Variants in GGA2 observed in about 807,000 individuals in gnomAD.
GGA2 encodes golgi associated, gamma adaptin ear containing, ARF binding protein 2.
Under a neutral mutation model 79.5 loss-of-function variants are expected in GGA2, and 48 were observed. The observed-to-expected ratio is 0.60, with a 90% confidence interval of 0.48 to 0.77. The LOEUF is 0.77. GGA2 is among the 30% of genes least tolerant of loss of function. The probability of loss-of-function intolerance (pLI) is 0.00; values close to 1 mark genes in which losing one functional copy is unlikely to be tolerated. For missense variants in GGA2, 770 were observed against 774.0 expected, an observed-to-expected ratio of 0.99 and a Z score of 0.06; for synonymous variants, 317 against 302.0, an observed-to-expected ratio of 1.05 and a Z score of -0.51.
rs1175312510 is a variant in GGA2, at chr16:23,491,740, A to G, written c.412T>C (p.Trp138Arg). 3.1e-6 allele frequency: 5 copies of G among 1,611,724 alleles called. No individual in the cohort carries two copies. Among genetic ancestry groups the G allele is most frequent in the Non-Finnish European group, 4.2e-6 (5 of 1,177,832 alleles). The change falls in exon 5 of 17, where the codon TGG (tryptophan) becomes CGG (arginine). Residue 138 changes from tryptophan to arginine, a missense_variant. Transcript: ENST00000309859. ...ATGTCTTCCGGAAACCAGACTGTCC[A>G]ACTGAAGAGTATTTCAATGACTCTT... is the stretch of plus-strand genomic sequence containing the variant. ...KGRVIEILFS[W>R]TVWFPEDIKI...
At chr16:23,468,256 C>T (rs1964466853) in intron 16 of GGA2, among the ~76,000 whole-genome samples, 2 of 152,156 alleles carry the variant, frequency 1.3e-5, no homozygotes, top group South Asian at 4.1e-4. Context: ...TGGCTCACTG[C>T]AACCTCCGCC....
In GGA2 at chr16:23,486,100, A is replaced by G. The variant is rs777759899; in HGVS notation, c.713T>C (p.Val238Ala). Reference protein sequence around the residue: ...VSKRVSAVEEVRSHVKVLQEM... With the variant: ...VSKRVSAVEEARSHVKVLQEM... Reference sequence around the variant, plus strand: ...CTGCAGCACCTTCACATGGCTTCGCACTTCCTCCACCGCACTGACCCTCTT... The same window carrying G: ...CTGCAGCACCTTCACATGGCTTCGCGCTTCCTCCACCGCACTGACCCTCTT... Residue 238 changes from valine (V) to alanine (A), a missense_variant, in exon 8 of 17, where the codon GTG becomes GCG. Transcript: ENST00000309859. 8.7e-6 allele frequency: 14 copies of G among 1,613,740 alleles called. No individual in the cohort carries two copies. In the South Asian group the frequency reaches 9.9e-5, roughly 11 times the overall value.
In GGA2 at chr16:23,497,557, G is replaced by A. The variant is rs549209786; in HGVS notation, c.92-1779C>T. ...CTAAGTGAAGAGAGAACACAAGGGC[G>A]AGGGAAGGATCAGTGATTGATTCCT... On this transcript the variant is annotated intron_variant, in intron 1 of 16. Transcript: ENST00000309859. Among the ~76,000 whole-genome samples, 5 of 152,246 alleles carry A rather than the reference G, an allele frequency of 3.3e-5. No individual in the cohort carries two copies. The South Asian group carries it at 8.3e-4, about 25-fold the overall frequency.
At chr16:23,509,053 G>A (rs1965006716) in intron 1 of GGA2, among the ~76,000 whole-genome samples, 1 of 151,958 alleles carries the variant, frequency 6.6e-6, no homozygotes, top group Admixed American at 6.6e-5. Flanking sequence ...CTTTTTAGCC[G>A]CTCTCCCTGC....
At chr16:23,507,677 G>A (rs547784244) in intron 1 of GGA2, among the ~76,000 whole-genome samples, 2 of 152,118 alleles carry the variant, frequency 1.3e-5, no homozygotes, top group African/African-American at 2.4e-5. Flanking sequence ...GCGTGTGCCC[G>A]TAATCCCAGC....
chr16:23,510,378 C>T lies in GGA2; in HGVS notation c.34G>A (p.Gly12Arg). Residue 12 changes from glycine to arginine, a missense_variant, in exon 1 of 17, where the codon GGA becomes AGA. Gly to Arg is a moderately radical substitution (Grantham distance 125). Transcript: ENST00000309859. Reference sequence around the variant, plus strand: ...GGGGGACCCTGGGCCGACTCGGTTCCCGCCACAGCCGCCGCCACCGCGGTC... The same window carrying T: ...GGGGGACCCTGGGCCGACTCGGTTCTCGCCACAGCCGCCGCCACCGCGGTC... ...AATAVAAAVA[G>R]TESAQGPPGP... 3 of 1,412,824 alleles carry T rather than the reference C, an allele frequency of 2.1e-6. No individual in the cohort carries two copies. The highest frequency in any genetic ancestry group is 2.8e-6 in the Non-Finnish European group (3 of 1,082,078). 87.5% of individuals were successfully genotyped at this position (1,412,824 alleles called of 1,614,324 possible). A position where few individuals can be genotyped will look rare whatever the true frequency, so the allele number is the denominator to read the frequency against.
At chr16:23,469,087 AC>A (rs1964477301) in intron 15 of GGA2, 91 bp from the exon 16 acceptor site, 3 of 786,608 alleles carry the variant, frequency 3.8e-6, no homozygotes, top group East Asian at 2.5e-5. Context: ...CCTCCCCAAC[AC>A]CCCTCCAAGA....
rs548947742 is a variant in GGA2, at chr16:23,481,428, C to T, written c.881-658G>A. ...ATGAGCAGCATCATGGGGGATGCCA[C>T]GAGCAAAACTGAGACCGAGAGAACT... On this transcript the variant is annotated intron_variant, in intron 9 of 16. Transcript: ENST00000309859. 2.6e-5 allele frequency among the ~76,000 whole-genome samples: 4 copies of T among 152,136 alleles called. No individual in the cohort carries two copies. In the South Asian group the frequency reaches 8.3e-4, roughly 32 times the overall value.
At chr16:23,469,949 C>T (rs772718680) in intron 15 of GGA2, 47 bp downstream of exon 15, 1 of 1,387,310 alleles carries the variant, frequency 7.2e-7, no homozygotes, top group Non-Finnish European at 9.6e-7. Flanking sequence ...GAACCTGGCA[C>T]TCAAAAACGA....
chr16:23,488,741 G>A (rs369780983), intron 5 of GGA2, 32 bp from the exon 6 acceptor site: 10 of 1,176,830 alleles, frequency 8.5e-6, no homozygotes, highest in Middle Eastern at 2.2e-4. Flanking sequence ...TTAAGACACC[G>A]ATATGGTACC....
At chr16:23,510,081 T>TG (rs1567371809) in intron 1 of GGA2, among the ~76,000 whole-genome samples, 26 of 7,970 alleles carry the variant, frequency 3.3e-3, no homozygotes, top group East Asian at 7.6e-3. Context: ...TGCTGCTAAG[T>TG]TGGGGGGTGG....
At chr16:23,485,850 A>G (rs146580663) in intron 8 of GGA2, among the ~76,000 whole-genome samples, 165 bp downstream of exon 8, 388 of 152,356 alleles carry the variant, frequency 2.5e-3, no homozygotes, top group Non-Finnish European at 4.4e-3. Flanking sequence ...ACTGGGGAGC[A>G]AGGGACAGAC....
chr16:23,510,397 C>T lies in GGA2; in HGVS notation c.15G>A (p.Ala5=), dbSNP rs898816026. ...CGGTTCCCGCCACAGCCGCCGCCAC[C>T]GCGGTCGCCGCCATCGCTCCAGCCC... MAAT[A]VAAAVAGTES... is the part of the protein sequence containing the mutation. Residue 5 remains alanine, a synonymous_variant, in exon 1 of 17, where the codon GCG becomes GCA. Coordinates refer to ENST00000309859, the MANE Select transcript of GGA2 (RefSeq NM_015044.4). 1.8e-5 allele frequency: 25 copies of T among 1,384,120 alleles called. No individual in the cohort carries two copies. Among genetic ancestry groups the T allele is most frequent in the Non-Finnish European group, 2.4e-5 (25 of 1,063,426 alleles). 85.7% of individuals were successfully genotyped at this position (1,384,120 alleles called of 1,614,324 possible).
At position 23,475,020 on chromosome 16, in the gene GGA2, G is replaced by A; in HGVS notation, c.1334C>T (p.Pro445Leu). 1 of 1,603,798 alleles carries A rather than the reference G, an allele frequency of 6.2e-7. No homozygotes were observed. The highest frequency in any genetic ancestry group is 8.5e-7 in the Non-Finnish European group (1 of 1,175,694). The change falls in exon 14 of 17, where the codon CCA becomes CTA. Residue 445 changes from proline to leucine, a missense_variant. Physicochemically the swap from Pro to Leu is moderately conservative, Grantham distance 98. Coordinates refer to ENST00000309859, the MANE Select transcript of GGA2 (RefSeq NM_015044.4). ...CCAACCTGGAGAGGACTTAGTACCT[G>A]GTGGCACTTCCTTGGGGACACTTTT... ...SQKSVPKEVP[P>L]GTKSSPGWSW...
intron 16 of GGA2, 108 bp downstream of exon 16, chr16:23,468,778 A>G (rs1366321579): frequency 6.0e-6 from 4 of 671,434 alleles, no homozygotes; most frequent in East Asian, 2.6e-5. Context: ...CCAGCAAACC[A>G]GAGACTTTAG....
intron 14 of GGA2, among the ~76,000 whole-genome samples, chr16:23,474,663 G>A (rs1156425049): frequency 6.6e-6 from 1 of 151,802 alleles, no homozygotes; most frequent in Non-Finnish European, 1.5e-5. Context: ...TGTCGCCCAG[G>A]CTGGTCTCAA....
chr16:23,475,757 A>T (rs1310443369), intron 13 of GGA2, among the ~76,000 whole-genome samples: 7 of 150,092 alleles, frequency 4.7e-5, no homozygotes, highest in African/African-American at 1.7e-4. Flanking sequence ...TACAAAAATT[A>T]AAAAAAAATA....
rs1372407843 is a variant in GGA2 at position 23,478,429 on chromosome 16, T to A, written c.1231A>T (p.Asn411Tyr). 6.2e-7 allele frequency: 1 copy of A among 1,612,256 alleles called. No individual in the cohort carries two copies. The highest frequency in any genetic ancestry group is 1.3e-5 in the African/African-American group (1 of 74,984). The change falls in exon 13 of 17, where the codon AAC becomes TAC. Residue 411 changes from asparagine (N) to tyrosine (Y), a missense_variant. By Grantham distance (143) the Asn-to-Tyr change is moderately radical. Transcript: ENST00000309859. ...AGCAAATTCCTGTCTGCAGAAGGGT[T>A]CTGAACACCACCGCCTGGCAGCGTG... The part of the protein sequence containing the change: ...SSTLPGGGVQ[N>Y]PSADRNLLDL...
chr16:23,485,007 G>T (rs1964694131), intron 8 of GGA2, among the ~76,000 whole-genome samples: 1 of 152,202 alleles, frequency 6.6e-6, no homozygotes, highest in Admixed American at 6.5e-5. Context: ...CTGATAAATG[G>T]AGAAACAAAC....
Sources: gnomAD v4.1 joint callset for allele counts (sites outside exome capture counted in the v4.1 genomes callset) on GRCh38, gnomAD v4.1.1 for gene constraint, MANE v1.5 for transcripts, NCBI Gene and HGNC (gene_info 2026-07-23, HGNC 2026-07-21) for gene names.